Variants in FBXL7 observed in about 807,000 individuals in gnomAD.
FBXL7 encodes F-box/LRR-repeat protein 7.
Under a neutral mutation model 38.3 loss-of-function variants are expected in FBXL7, and 12 were observed. The ratio of observed to expected loss-of-function variants is 0.31; its 90% confidence interval spans 0.20 to 0.51. FBXL7 has a LOEUF of 0.51. Among genes scored for constraint, FBXL7 ranks in the 20% least tolerant of loss-of-function variants. The pLI is 0.98. For synonymous variants in FBXL7, 297 were observed against 300.9 expected, an observed-to-expected ratio of 0.99 and a Z score of 0.13; for missense variants, 567 against 676.4, an observed-to-expected ratio of 0.84 and a Z score of 1.79.
chr5:15,522,818 G>A lies in FBXL7; in HGVS notation c.37+22105G>A, dbSNP rs79555934. ...TCAGCCCAAAGTCTCTTTCTACTTT[G>A]AGAAAATTCTGTATAATTCTTACAA... On this transcript the variant is annotated intron_variant, in intron 1 of 3. Coordinates refer to ENST00000504595, the MANE Select transcript of FBXL7 (RefSeq NM_012304.5). Among the ~76,000 whole-genome samples, 1,434 of 152,306 alleles carry A rather than the reference G, an allele frequency of 9.4e-3. 22 individuals are homozygous for A. Among genetic ancestry groups the A allele is most frequent in the African/African-American group, 0.033 (1,369 of 41,550 alleles).
intron 2 of FBXL7, among the ~76,000 whole-genome samples, chr5:15,796,617 A>T (rs1440533444): frequency 1.3e-5 from 2 of 152,366 alleles, no homozygotes; most frequent in East Asian, 3.9e-4. Flanking sequence ...AAAACGTCAA[A>T]GCAGTCAGGT....
At chr5:15,863,818 T>G (rs1739586373) in intron 2 of FBXL7, among the ~76,000 whole-genome samples, 1 of 152,202 alleles carries the variant, frequency 6.6e-6, no homozygotes, top group Non-Finnish European at 1.5e-5. Context: ...CCTCTCTTTG[T>G]ATGCTCTCTG....
In FBXL7 at chr5:15,913,252, A is replaced by T. The variant is rs200036271; in HGVS notation, c.128-14638A>T. ...TGGATCATATTTTCTTTTTTTTTTT[A>T]ATGTTTTTTTTTATTAATTTTTTTT... On this transcript the variant is annotated intron_variant, in intron 2 of 3. Coordinates refer to ENST00000504595, the MANE Select transcript of FBXL7 (RefSeq NM_012304.5). Among the ~76,000 whole-genome samples, 231 of 110,110 alleles carry T rather than the reference A, an allele frequency of 2.1e-3. 1 individual carries two copies. Among genetic ancestry groups the T allele is most frequent in the African/African-American group, 8.0e-3 (219 of 27,220 alleles). The allele number at this position is 110,110 out of a possible 152,430, so 72.2% of individuals were successfully genotyped here. A position where few individuals can be genotyped will look rare whatever the true frequency, so the allele number is the denominator to read the frequency against.
At chr5:15,539,579 C>T (rs2126405025) in intron 1 of FBXL7, among the ~76,000 whole-genome samples, 1 of 152,116 alleles carries the variant, frequency 6.6e-6, no homozygotes, top group Non-Finnish European at 1.5e-5. Context: ...TCTTGGTCCC[C>T]TAGAAGAGAG....
intron 2 of FBXL7, among the ~76,000 whole-genome samples, chr5:15,815,909 A>G (rs1738000934): frequency 6.6e-6 from 1 of 152,290 alleles, no homozygotes; most frequent in East Asian, 1.9e-4. Flanking sequence ...AAATATGTTT[A>G]TATGTGAAAC....
chr5:15,616,014 G>C lies in FBXL7; in HGVS notation c.69G>C (p.Val23=). 6.2e-7 allele frequency: 1 copy of C among 1,613,212 alleles called. No individual in the cohort carries two copies. Residue 23 remains valine, a synonymous_variant, in exon 2 of 4, where the codon GTG becomes GTC. Transcript: ENST00000504595. ...GCAGCTCGAGCATCTCATCTGACGT[G>C]AGTTCAAGTACAGATCACACGCCCA... is the stretch of plus-strand genomic sequence containing the variant. ...GKGSSSISSD[V]SSSTDHTPTK...
chr5:15,508,673 A>G (rs1250808667), intron 1 of FBXL7, among the ~76,000 whole-genome samples: 2 of 152,194 alleles, frequency 1.3e-5, no homozygotes, highest in Admixed American at 6.5e-5. Flanking sequence ...ATGAAGGGTT[A>G]TTAGTTCTAA....
intron 2 of FBXL7, among the ~76,000 whole-genome samples, chr5:15,781,489 G>A (rs953733389): frequency 6.6e-6 from 1 of 151,724 alleles, no homozygotes; most frequent in Non-Finnish European, 1.5e-5. Flanking sequence ...TAGTATAAGA[G>A]TAAAATAGTA....
At chr5:15,876,783 A>C (rs1187693517) in intron 2 of FBXL7, among the ~76,000 whole-genome samples, 1 of 152,230 alleles carries the variant, frequency 6.6e-6, no homozygotes, top group Non-Finnish European at 1.5e-5. Context: ...AGAAAACTAA[A>C]GTCAGGTAAT....
At chr5:15,893,708 C>T (rs1001443269) in intron 2 of FBXL7, among the ~76,000 whole-genome samples, 3 of 151,998 alleles carry the variant, frequency 2.0e-5, no homozygotes, top group Non-Finnish European at 2.9e-5. Flanking sequence ...CTGGTTGAAA[C>T]GGAGTTATCC....
At chr5:15,931,984 C>T (rs1409000896) in intron 3 of FBXL7, among the ~76,000 whole-genome samples, 1 of 152,316 alleles carries the variant, frequency 6.6e-6, no homozygotes, top group South Asian at 2.1e-4. Context: ...ACTTGGAATT[C>T]TCAACTCATG....
intron 1 of FBXL7, among the ~76,000 whole-genome samples, chr5:15,505,418 T>C (rs1183103471): frequency 1.3e-5 from 2 of 152,124 alleles, no homozygotes; most frequent in African/African-American, 4.8e-5. Context: ...AACTTAAATA[T>C]ATGTTAACTT....
At chr5:15,771,515 A>T (rs572642971) in intron 2 of FBXL7, among the ~76,000 whole-genome samples, 184 of 152,284 alleles carry the variant, frequency 1.2e-3, no homozygotes, top group African/African-American at 4.4e-3. Flanking sequence ...AGTACCTTGG[A>T]GTTTATATTG....
intron 2 of FBXL7, among the ~76,000 whole-genome samples, chr5:15,642,765 A>T (rs1741409445): frequency 6.6e-6 from 1 of 152,210 alleles, no homozygotes; most frequent in South Asian, 2.1e-4. Flanking sequence ...GAAGGAATCC[A>T]TATTAGAGCC....
At chr5:15,894,059 G>A (rs1387509581) in intron 2 of FBXL7, among the ~76,000 whole-genome samples, 4 of 152,212 alleles carry the variant, frequency 2.6e-5, no homozygotes, top group South Asian at 2.1e-4. Flanking sequence ...AGGCCAAGGC[G>A]GGCGGTCGGG....
intron 2 of FBXL7, among the ~76,000 whole-genome samples, chr5:15,796,086 C>T (rs1737409500): frequency 1.3e-5 from 2 of 152,190 alleles, no homozygotes; most frequent in African/African-American, 2.4e-5. Flanking sequence ...TAATAGGATT[C>T]TCAGAATCAA....
chr5:15,836,842 C>A (rs1298992780), intron 2 of FBXL7, among the ~76,000 whole-genome samples: 2 of 152,090 alleles, frequency 1.3e-5, no homozygotes, highest in Non-Finnish European at 2.9e-5. Context: ...TATGATGGAA[C>A]CTTAGTGACA....
At chr5:15,579,167 G>A (rs974665943) in intron 1 of FBXL7, among the ~76,000 whole-genome samples, 5 of 152,164 alleles carry the variant, frequency 3.3e-5, no homozygotes, top group East Asian at 1.9e-4. Flanking sequence ...GGAGGAAAGC[G>A]GTGCTGTTTC....
At chr5:15,543,057 A>G (rs368641805) in intron 1 of FBXL7, among the ~76,000 whole-genome samples, 3 of 152,324 alleles carry the variant, frequency 2.0e-5, no homozygotes, top group Admixed American at 1.3e-4. Flanking sequence ...AGTAATACAG[A>G]AAGGAGTTGT....
Sources: gnomAD v4.1 joint callset for allele counts (sites outside exome capture counted in the v4.1 genomes callset) on GRCh38, gnomAD v4.1.1 for gene constraint, MANE v1.5 for transcripts, NCBI Gene and HGNC (gene_info 2026-07-23, HGNC 2026-07-21) for gene names.